The following YEATS2 variants were observed in gnomAD, a reference collection of about 807,000 sequenced individuals.
The protein encoded by YEATS2 is YEATS domain containing 2, also known as YEATS domain-containing protein 2.
Under a neutral mutation model 163.2 loss-of-function variants are expected in YEATS2, and 77 were observed. The observed-to-expected ratio is 0.47, with a 90% CI of 0.39 to 0.57. The LOEUF (loss-of-function observed/expected upper bound fraction) is 0.57, where lower values mean the gene tolerates loss of function less well. Among genes scored for constraint, YEATS2 ranks in the 20% least tolerant of loss-of-function variants. The pLI is 0.00. For synonymous variants in YEATS2, 631 were observed against 645.1 expected (o/e 0.98, Z 0.33); for missense variants, 1,549 against 1,729.8 (o/e 0.90, Z 1.85).
chr3:183,758,849 C>G lies in YEATS2; in HGVS notation c.1553-13C>G. 1 of 1,526,712 alleles carries G rather than the reference C, an allele frequency of 6.6e-7. No homozygotes were observed. The highest frequency in any genetic ancestry group is 9.0e-7 in the Non-Finnish European group (1 of 1,114,832). The allele number at this position is 1,526,712 out of a possible 1,614,324, so 94.6% of individuals were successfully genotyped here. A position where few individuals can be genotyped will look rare whatever the true frequency, so the allele number is the denominator to read the frequency against. ...TTACTTTGTTTATGTTTTAATTGTG[C>G]CTTGCTTATCAGGAAGTCCTACAAA... On this transcript the variant is annotated splice_polypyrimidine_tract_variant and intron_variant, in intron 12 of 30. Coordinates refer to ENST00000305135, the MANE Select transcript of YEATS2 (RefSeq NM_018023.5).
rs1553877063 is a variant in YEATS2 at position 183,775,979 on chromosome 3, A to AGGAGGCGGCAGTGGCAGCGGT, written c.2445_2465dup (p.Gly816_Ser822dup). 1.2e-6 allele frequency: 2 copies of AGGAGGCGGCAGTGGCAGCGGT among 1,607,276 alleles called. No homozygotes were observed. The highest frequency in any genetic ancestry group is 1.7e-6 in the Non-Finnish European group (2 of 1,176,254). On this transcript the variant is annotated inframe_insertion, in exon 18 of 31. Coordinates refer to ENST00000305135, the MANE Select transcript of YEATS2 (RefSeq NM_018023.5). ...CCGGAGGAGGAGGAGGAGGAGGAGG[A>AGGAGGCGGCAGTGGCAGCGGT]GGAGGCGGCAGTGGCAGCGGTGGAG...
At chr3:183,779,336 G>A (rs1465513845) in intron 19 of YEATS2, among the ~76,000 whole-genome samples, 3 of 152,000 alleles carry the variant, frequency 2.0e-5, no homozygotes, top group Non-Finnish European at 4.4e-5. Context: ...CTTTTTTGTC[G>A]AATGTCCTTA....
rs766562913 is a variant in YEATS2 at position 183,773,843 on chromosome 3, G to A, written c.2368+49G>A. 9.1e-6 allele frequency: 14 copies of A among 1,544,876 alleles called. No homozygotes were observed. The South Asian group carries it at 1.6e-4, about 18-fold the overall frequency. On this transcript the variant is annotated intron_variant, in intron 17 of 30. Coordinates refer to ENST00000305135, the MANE Select transcript of YEATS2 (RefSeq NM_018023.5). ...TCATTTGGTTCTTGGTTCTCTATGTGTGTTCATCTTGTCCATCTGAGGGCA... is the reference window on the plus strand; with the variant it reads ...TCATTTGGTTCTTGGTTCTCTATGTATGTTCATCTTGTCCATCTGAGGGCA...
At position 183,782,227 on chromosome 3, in the gene YEATS2, A is replaced by G. The variant is rs571880106; in HGVS notation, c.2737-3898A>G. Among the ~76,000 whole-genome samples the G allele has an allele frequency of 2.6e-5, 4 of 152,122 alleles. No homozygotes were observed. The South Asian group carries it at 6.2e-4, about 24-fold the overall frequency. On this transcript the variant is annotated intron_variant, in intron 19 of 30. Coordinates refer to ENST00000305135, the MANE Select transcript of YEATS2 (RefSeq NM_018023.5). ...CGGGTTCAAGCGATTCTCCTGCCTC[A>G]GCCTCCCGAGTAGCTGGGATTACAG...
chr3:183,735,796 C>T (rs1234008486), intron 7 of YEATS2, among the ~76,000 whole-genome samples: 1 of 151,970 alleles, frequency 6.6e-6, no homozygotes, highest in Non-Finnish European at 1.5e-5. Context: ...AAGCGATTGT[C>T]GTGGCCTCTC....
intron 19 of YEATS2, among the ~76,000 whole-genome samples, chr3:183,779,321 T>G (rs1049685136): frequency 6.6e-6 from 1 of 152,216 alleles, no homozygotes; most frequent in Admixed American, 6.5e-5. Flanking sequence ...GTGTCCTCTT[T>G]TGTTCTTTTT....
intron 27 of YEATS2, 28 bp from the exon 28 acceptor site, chr3:183,806,838 G>A: frequency 6.2e-7 from 1 of 1,613,070 alleles, no homozygotes; most frequent in Non-Finnish European, 8.5e-7. Flanking sequence ...CCCCACAGCT[G>A]TTGTAACACT....
chr3:183,795,005 T>TAA (rs10636195), intron 21 of YEATS2, among the ~76,000 whole-genome samples: 69,179 of 143,904 alleles, frequency 0.48, 16,625 homozygotes, highest in Middle Eastern at 0.61. Flanking sequence ...CCCCATTTCT[T>TAA]AAAAAAAAAA....
At chr3:183,749,194 C>T (rs562571058) in intron 9 of YEATS2, among the ~76,000 whole-genome samples, 7 of 152,060 alleles carry the variant, frequency 4.6e-5, no homozygotes, top group South Asian at 4.2e-4. Flanking sequence ...CCGCCCATCT[C>T]GGCCTCCCAA....
intron 15 of YEATS2, among the ~76,000 whole-genome samples, chr3:183,767,248 C>T (rs1721995485): frequency 6.6e-6 from 1 of 152,070 alleles, no homozygotes; most frequent in African/African-American, 2.4e-5. Flanking sequence ...TGTTTTGAGA[C>T]AGCGTCTAGC....
At chr3:183,809,228 A>C in intron 30 of YEATS2, 58 bp downstream of exon 30, 1 of 1,563,572 alleles carries the variant, frequency 6.4e-7, no homozygotes, top group Non-Finnish European at 8.8e-7. Flanking sequence ...TAACAGTTGA[A>C]TTGCCCATGA....
chr3:183,712,725 A>G (rs993970225), intron 1 of YEATS2, among the ~76,000 whole-genome samples: 2 of 151,794 alleles, frequency 1.3e-5, no homozygotes, highest in African/African-American at 4.8e-5. Context: ...AGCCACAAGT[A>G]GTTATTGAGC....
chr3:183,713,230 T>C (rs1373687744), intron 1 of YEATS2, among the ~76,000 whole-genome samples: 1 of 152,222 alleles, frequency 6.6e-6, no homozygotes, highest in Non-Finnish European at 1.5e-5. Context: ...AGGTAAAATA[T>C]ATTGTTAAAA....
intron 21 of YEATS2, among the ~76,000 whole-genome samples, chr3:183,794,085 G>C (rs750548828): frequency 2.6e-5 from 4 of 152,178 alleles, no homozygotes; most frequent in African/African-American, 4.8e-5. Flanking sequence ...GGGGCTGTGT[G>C]GGGTGTTGGA....
intron 8 of YEATS2, among the ~76,000 whole-genome samples, chr3:183,743,878 A>G (rs1442991730): frequency 6.6e-6 from 1 of 152,018 alleles, no homozygotes; most frequent in Non-Finnish European, 1.5e-5. Context: ...CCTTTCTTCT[A>G]CAAATGGACC....
intron 8 of YEATS2, 46 bp downstream of exon 8, chr3:183,736,875 C>T: frequency 1.3e-6 from 2 of 1,533,052 alleles, no homozygotes; most frequent in Non-Finnish European, 1.8e-6. Flanking sequence ...TCTCTTTTTA[C>T]CAGCTACAAT....
chr3:183,806,760 T>A, intron 27 of YEATS2, 106 bp from the exon 28 acceptor site: 1 of 1,127,782 alleles, frequency 8.9e-7, no homozygotes, highest in Non-Finnish European at 1.3e-6. Flanking sequence ...GAAGGTCAGC[T>A]CCCCTGATGC....
chr3:183,809,394 C>T (rs1260237469), intron 30 of YEATS2: 3 of 477,350 alleles, frequency 6.3e-6, no homozygotes, highest in Non-Finnish European at 1.1e-5. Flanking sequence ...ATATCCTCCT[C>T]ATTACTTCAC....
At chr3:183,711,531 A>G (rs1170669912) in intron 1 of YEATS2, among the ~76,000 whole-genome samples, 1 of 152,024 alleles carries the variant, frequency 6.6e-6, no homozygotes, top group African/African-American at 2.4e-5. Flanking sequence ...GGGCCTGTCC[A>G]AAAATAGTCA....
Sources: allele counts gnomAD v4.1 joint callset (sites outside exome capture counted in the v4.1 genomes callset), GRCh38; gene constraint gnomAD v4.1.1; transcripts MANE v1.5; gene names NCBI Gene and HGNC (gene_info 2026-07-23, HGNC 2026-07-21).